The following ZBTB48 variants were observed in gnomAD, a reference collection of about 807,000 sequenced individuals.
ZBTB48 encodes zinc finger and BTB domain-containing protein 48.
A neutral mutation model predicts 64.5 loss-of-function variants in ZBTB48; 35 were observed. The observed-to-expected ratio is 0.54, with a 90% confidence interval of 0.41 to 0.72. The LOEUF is 0.72. Among genes scored for constraint, ZBTB48 ranks in the 30% least tolerant of loss-of-function variants. The probability of loss-of-function intolerance (pLI) is 0.00; values close to 1 mark genes in which losing one functional copy is unlikely to be tolerated. For synonymous variants in ZBTB48, 442 were observed against 356.7 expected (o/e 1.24, Z -2.70); for missense variants, 828 against 895.3 (o/e 0.92, Z 0.96).
At position 6,586,754 on chromosome 1, in the gene ZBTB48, C is replaced by T; in HGVS notation, c.1104C>T (p.His368=). ...GCCGAAGGATGGAGCTGCGGGTGCA[C>T]ATGGTGTCTCACACAGGGGAGATGC... ...TFRRRMELRV[H]MVSHTGEMPY... is the part of the protein sequence containing the mutation. Residue 368 remains histidine (H), a synonymous_variant, in exon 5 of 11, where the codon CAC becomes CAT. Coordinates refer to ENST00000377674, the MANE Select transcript of ZBTB48 (RefSeq NM_005341.4). The T allele has an allele frequency of 6.2e-7, 1 of 1,600,014 alleles. No homozygotes were observed. The highest frequency in any genetic ancestry group is 8.5e-7 in the Non-Finnish European group (1 of 1,171,694).
At chr1:6,585,566 G>T (rs1640628797) in intron 3 of ZBTB48, 2 of 233,898 alleles carry the variant, frequency 8.6e-6, no homozygotes, top group East Asian at 1.8e-4. Flanking sequence ...GTCAGGTGAG[G>T]ATCTGGCCAT....
rs1557426977 is a variant in ZBTB48 at position 6,588,367 on chromosome 1, C to T, written c.1606C>T (p.Leu536Phe). 1 of 1,601,102 alleles carries T rather than the reference C, an allele frequency of 6.2e-7. No individual in the cohort carries two copies. The change falls in exon 9 of 11, where the codon CTC becomes TTC. Residue 536 changes from leucine (L) to phenylalanine (F), a missense_variant. Coordinates refer to ENST00000377674, the MANE Select transcript of ZBTB48 (RefSeq NM_005341.4). The part of the protein sequence containing the change: ...CEQRFTEKGP[L>F]LRHVASRHQE... Reference sequence around the variant, plus strand: ...ACAGCGCTTCACTGAGAAGGGGCCCCTCCTGAGGCACGTGGCCAGCCGCCA... The same window carrying T: ...ACAGCGCTTCACTGAGAAGGGGCCCTTCCTGAGGCACGTGGCCAGCCGCCA...
In ZBTB48 at chr1:6,588,078, A is replaced by T; in HGVS notation, c.1398A>T (p.Val466=). Residue 466 remains valine, a synonymous_variant, in exon 8 of 11, where the codon GTA becomes GTT. Transcript: ENST00000377674. ...TTAACAGGAATGAGAGGCCACACGT[A>T]TGTGAGTTCTGCAGCCACGCCTTCA... ...KAKHRNERPH[V]CEFCSHAFTQ... 1 of 1,614,126 alleles carries T rather than the reference A, an allele frequency of 6.2e-7. No individual in the cohort carries two copies. The highest frequency in any genetic ancestry group is 1.1e-5 in the South Asian group (1 of 91,084).
rs141407621 is a variant in ZBTB48, at chr1:6,587,567, T to C, written c.1314T>C (p.Cys438=). 742 of 1,613,996 alleles carry C rather than the reference T, an allele frequency of 4.6e-4. 2 individuals are homozygous for C. The African/African-American group carries it at 8.3e-3, about 18-fold the overall frequency. The change falls in exon 7 of 11, where the codon TGT becomes TGC. Residue 438 remains cysteine, a synonymous_variant. Coordinates refer to ENST00000377674, the MANE Select transcript of ZBTB48 (RefSeq NM_005341.4). ...FKHRGEKLFV[C]EECGHRASSR... ...ACCGTGGTGAGAAGCTGTTTGTGTGTGAGGAGTGTGGGCACCGGGCCTCGA... is the reference window on the plus strand; with the variant it reads ...ACCGTGGTGAGAAGCTGTTTGTGTGCGAGGAGTGTGGGCACCGGGCCTCGA...
chr1:6,584,338 A>G lies in ZBTB48; in HGVS notation c.933-1581A>G, dbSNP rs1238332396. 6.6e-6 allele frequency among the ~76,000 whole-genome samples: 1 copy of G among 152,190 alleles called. No homozygotes were observed. Among genetic ancestry groups the G allele is most frequent in the East Asian group, 1.9e-4 (1 of 5,204 alleles). ...GGTGGCTGAATCGGGCAGTGCTGAC[A>G]TAGCACATTTCCATCATCGTGGAGA... On this transcript the variant is annotated intron_variant, in intron 3 of 10. Transcript: ENST00000377674. This position sits in a 1 kb window ranked among gnomAD's most constrained non-coding sequence, Gnocchi z 4.5.
At chr1:6,587,074 C>G (rs1462330094) in intron 5 of ZBTB48, 131 bp from the exon 6 acceptor site, 2 of 1,044,750 alleles carry the variant, frequency 1.9e-6, no homozygotes, top group Admixed American at 4.0e-5. Flanking sequence ...ATCCTTCACA[C>G]CAGATCAGGG....
chr1:6,580,585 C>T lies in ZBTB48; in HGVS notation c.-25C>T, dbSNP rs183991324. 278 of 1,593,502 alleles carry T rather than the reference C, an allele frequency of 1.7e-4. 1 individual carries two copies. The highest frequency in any genetic ancestry group is 2.2e-4 in the Non-Finnish European group (256 of 1,167,074). ...CTCGCTTAGGCTGGCCGGGGTGTCA[C>T]TTCTGCCTCCCTGCCCTCCAGACCA... On this transcript the variant is annotated 5_prime_UTR_variant, in exon 2 of 11. Coordinates refer to ENST00000377674, the MANE Select transcript of ZBTB48 (RefSeq NM_005341.4). The surrounding 1 kb of genome is among the most constrained non-coding windows in gnomAD (Gnocchi z 5.2).
rs1332380966 is a variant in ZBTB48 at position 6,580,791 on chromosome 1, G to A, written c.182G>A (p.Gly61Asp). ...AGCCTCTACGGGGATGGCTCAGGGG[G>A]CAGTGTCGTCCTCCCTGCTGGCTTC... ...FQSLYGDGSG[G>D]SVVLPAGFAE... Residue 61 changes from glycine (G) to aspartate (D), a missense_variant, in exon 2 of 11, where the codon GGC (glycine) becomes GAC (aspartate). Coordinates refer to ENST00000377674, the MANE Select transcript of ZBTB48 (RefSeq NM_005341.4). The surrounding 1 kb of genome is among the most constrained non-coding windows in gnomAD (Gnocchi z 5.2). The A allele has an allele frequency of 1.9e-6, 3 of 1,614,108 alleles. No homozygotes were observed. The highest frequency in any genetic ancestry group is 1.7e-5 in the Admixed American group (1 of 60,004).
chr1:6,587,045 G>A (rs1164296229), intron 5 of ZBTB48, 160 bp from the exon 6 acceptor site: 16 of 915,104 alleles, frequency 1.7e-5, no homozygotes, highest in Non-Finnish European at 2.8e-5. Flanking sequence ...GCTGAGCCCT[G>A]AGGGCCCTCC....
chr1:6,589,131 AGAG>A lies in ZBTB48; in HGVS notation c.1990_1992del (p.Glu664del), dbSNP rs367825255. 3.1e-6 allele frequency: 5 copies of A among 1,596,030 alleles called. No homozygotes were observed. The highest frequency in any genetic ancestry group is 1.7e-6 in the Non-Finnish European group (2 of 1,173,270). On this transcript the variant is annotated inframe_deletion, in exon 11 of 11. Transcript: ENST00000377674. ...AGCTCCCCGGCCAGAGACTGTGTGC[AGAG>A]GAGAGCTTCACCGGCCCAGGTGTCC...
intron 7 of ZBTB48, 26 bp downstream of exon 7, chr1:6,587,658 G>T: frequency 6.2e-7 from 1 of 1,610,484 alleles, no homozygotes; most frequent in Non-Finnish European, 8.5e-7. Context: ...TCTCTCTTGG[G>T]GCCCAGTCCT....
intron 4 of ZBTB48, chr1:6,586,342 C>T (rs1640666022): frequency 2.0e-6 from 1 of 496,950 alleles, no homozygotes; most frequent in Non-Finnish European, 3.6e-6. Flanking sequence ...GGGAAAGGCC[C>T]CCTGGCCACC....
Position 6,587,440 on chromosome 1 carries a change from CCCTGGT to C in ZBTB48, c.1225-35_1225-30del, listed in dbSNP as rs761842002. 9.9e-6 allele frequency: 16 copies of C among 1,612,644 alleles called. No homozygotes were observed. In the African/African-American group the frequency reaches 1.9e-4, roughly 19 times the overall value. On this transcript the variant is annotated intron_variant, in intron 6 of 10. Transcript: ENST00000377674. ...CAGCCCTTCCCTGCTCTCACCCTGG[CCCTGGT>C]CCCTCCCTCTGCCTGCCTGGTCTGC...
rs761082634 is a variant in ZBTB48 at position 6,589,059 on chromosome 1, G to T, written c.1914G>T (p.Ser638=). The T allele has an allele frequency of 2.5e-6, 4 of 1,603,986 alleles. No homozygotes were observed. The highest frequency in any genetic ancestry group is 2.2e-5 in the South Asian group (2 of 90,064). Residue 638 remains serine, a synonymous_variant, in exon 11 of 11, where the codon TCG becomes TCT. Transcript: ENST00000377674. The part of the protein sequence containing the change: ...LQPPAELEVG[S]AEVIVESLAQ... The stretch of plus-strand genomic sequence containing the variant: ...CGCCTGCAGAGCTGGAGGTGGGCTC[G>T]GCGGAGGTCATTGTGGAGTCCCTGG...
rs116688580 is a variant in ZBTB48, at chr1:6,587,928, C to T, written c.1380-132C>T. On this transcript the variant is annotated intron_variant, in intron 7 of 10. Coordinates refer to ENST00000377674, the MANE Select transcript of ZBTB48 (RefSeq NM_005341.4). Reference sequence around the variant, plus strand: ...TGCTCATAGATTGTCCTTCTGCTCTCGGGGTGGAGGTGGTGCCCCTTTCCT... The same window carrying T: ...TGCTCATAGATTGTCCTTCTGCTCTTGGGGTGGAGGTGGTGCCCCTTTCCT... 1.6e-3 allele frequency: 2,114 copies of T among 1,293,196 alleles called. 22 individuals carry two copies. In the African/African-American group the frequency reaches 0.027, roughly 17 times the overall value. The allele number at this position is 1,293,196 out of a possible 1,614,324, so 80.1% of individuals were successfully genotyped here. A position where few individuals can be genotyped will look rare whatever the true frequency, so the allele number is the denominator to read the frequency against.
Position 6,587,241 on chromosome 1 carries a change from G to C in ZBTB48, c.1174G>C (p.Asp392His). 6.2e-7 allele frequency: 1 copy of C among 1,614,070 alleles called. No individual in the cohort carries two copies. The highest frequency in any genetic ancestry group is 2.2e-5 in the East Asian group (1 of 44,878). Reference protein sequence around the residue: ...SCSQQFMQKKDLQSHMIKLHG... With the variant: ...SCSQQFMQKKHLQSHMIKLHG... ...CTCCCAGCAGTTCATGCAGAAGAAGGACTTGCAGAGCCACATGATCAAACT... is the reference window on the plus strand; with the variant it reads ...CTCCCAGCAGTTCATGCAGAAGAAGCACTTGCAGAGCCACATGATCAAACT... The change falls in exon 6 of 11, where the codon GAC becomes CAC. Residue 392 changes from aspartate to histidine, a missense_variant. Transcript: ENST00000377674.
At chr1:6,582,877 C>G (rs1450397456) in intron 3 of ZBTB48, among the ~76,000 whole-genome samples, 1 of 152,212 alleles carries the variant, frequency 6.6e-6, no homozygotes, top group African/African-American at 2.4e-5. Flanking sequence ...GCTCTGTTGC[C>G]CAGGCTGGTC....
chr1:6,587,599 A>C lies in ZBTB48; in HGVS notation c.1346A>C (p.Asn449Thr). 6.2e-7 allele frequency: 1 copy of C among 1,613,624 alleles called. No homozygotes were observed. Among genetic ancestry groups the C allele is most frequent in the Non-Finnish European group, 8.5e-7 (1 of 1,180,024 alleles). Residue 449 changes from asparagine to threonine, a missense_variant, in exon 7 of 11, where the codon AAT becomes ACT. Physicochemically the swap from Asn to Thr is moderately conservative, Grantham distance 65. Coordinates refer to ENST00000377674, the MANE Select transcript of ZBTB48 (RefSeq NM_005341.4). ...EECGHRASSR[N>T]GLQMHIKAKH... is the part of the protein sequence containing the mutation. ...TGTGGGCACCGGGCCTCGAGCCGGA[A>C]TGGCCTGCAGATGCACATCAAGGCC... is the stretch of plus-strand genomic sequence containing the variant.
intron 9 of ZBTB48, 122 bp downstream of exon 9, chr1:6,588,564 T>G: frequency 6.9e-7 from 1 of 1,445,866 alleles, no homozygotes; most frequent in Non-Finnish European, 9.1e-7. Flanking sequence ...GAGTTGAGAG[T>G]GGACCTGCTT....
Sources: allele counts gnomAD v4.1 joint callset (sites outside exome capture counted in the v4.1 genomes callset), GRCh38; gene constraint gnomAD v4.1.1; non-coding constraint Gnocchi (gnomAD v3.1); transcripts MANE v1.5; gene names NCBI Gene and HGNC (gene_info 2026-07-23, HGNC 2026-07-21).